DLAT: variants seen among roughly 807,000 people sequenced by gnomAD.
The protein encoded by DLAT is dihydrolipoyllysine-residue acetyltransferase component of pyruvate dehydrogenase complex, mitochondrial.
Under a neutral mutation model 68.0 loss-of-function variants are expected in DLAT, and 43 were observed. The ratio of observed to expected loss-of-function variants is 0.63; its 90% CI spans 0.50 to 0.81. The LOEUF is 0.81. Ranked by LOEUF, DLAT falls within the 40% of genes least tolerant of loss-of-function variation. The pLI is 0.00. For missense variants in DLAT, 745 were observed against 815.4 expected, an observed-to-expected ratio of 0.91 and a Z score of 1.05; for synonymous variants, 265 against 288.6, an observed-to-expected ratio of 0.92 and a Z score of 0.83.
chr11:112,036,198 T>G (rs1467230424), intron 5 of DLAT, among the ~76,000 whole-genome samples: 3 of 74,054 alleles, frequency 4.1e-5, no homozygotes, highest in Non-Finnish European at 7.6e-5. Context: ...TGTGTGTGTG[T>G]GTGTTTTTTT....
chr11:112,039,271 C>G lies in DLAT; in HGVS notation c.1003C>G (p.Pro335Ala). Residue 335 changes from proline (P) to alanine (A), a missense_variant, in exon 7 of 14, where the codon CCT (proline) becomes GCT (alanine). By Grantham distance (27) the Pro-to-Ala change is conservative. Coordinates refer to ENST00000280346, the MANE Select transcript of DLAT (RefSeq NM_001931.5). ...GGCCGCTGTTCCTCCAACTCCCCAG[C>G]CTTTAGCTCCTACACCTTCAGCACC... is the stretch of plus-strand genomic sequence containing the variant. ...PVAAVPPTPQ[P>A]LAPTPSAPCP... 2.5e-6 allele frequency: 4 copies of G among 1,613,984 alleles called. No homozygotes were observed. Among genetic ancestry groups the G allele is most frequent in the Non-Finnish European group, 3.4e-6 (4 of 1,179,960 alleles).
chr11:112,048,814 A>G (rs1009657348), intron 10 of DLAT, among the ~76,000 whole-genome samples: 3 of 152,090 alleles, frequency 2.0e-5, no homozygotes, highest in Admixed American at 6.5e-5. Flanking sequence ...AATTACAGCC[A>G]TGAGCCCCCA....
intron 8 of DLAT, 125 bp from the exon 9 acceptor site, chr11:112,045,013 T>A (rs1863230492): frequency 2.6e-6 from 2 of 761,696 alleles, no homozygotes; most frequent in East Asian, 2.5e-5. Context: ...CTAGCCTGGG[T>A]GACAGAGCAA....
rs144642035 is a variant in DLAT at position 112,033,430 on chromosome 11, C to T, written c.687C>T (p.Thr229=). Residue 229 remains threonine, a synonymous_variant, in exon 5 of 14, where the codon ACC becomes ACT. Coordinates refer to ENST00000280346, the MANE Select transcript of DLAT (RefSeq NM_001931.5). The part of the protein sequence containing the change: ...MQVLLPALSP[T]MTMGTVQRWE... ...TACTTCTTCCTGCCCTCTCTCCCAC[C>T]ATGACCATGGGCACAGTTCAGAGAT... is the stretch of plus-strand genomic sequence containing the variant. The T allele has an allele frequency of 2.4e-5, 38 of 1,613,820 alleles. No individual in the cohort carries two copies. In the African/African-American group the frequency reaches 3.2e-4, roughly 14 times the overall value.
intron 11 of DLAT, among the ~76,000 whole-genome samples, chr11:112,054,320 AAATAAT>A (rs147731397): frequency 2.0e-5 from 3 of 151,824 alleles, no homozygotes; most frequent in Non-Finnish European, 2.9e-5. Context: ...ACTGCATTTC[AAATAAT>A]AATAATAATA....
chr11:112,058,164 T>G (rs982061528), intron 11 of DLAT, among the ~76,000 whole-genome samples: 3 of 152,256 alleles, frequency 2.0e-5, no homozygotes, highest in Non-Finnish European at 4.4e-5. Flanking sequence ...TCAACATTTA[T>G]TTAACATGTA....
intron 7 of DLAT, among the ~76,000 whole-genome samples, chr11:112,040,556 A>G (rs184898018): frequency 2.7e-4 from 41 of 152,264 alleles, no homozygotes; most frequent in East Asian, 7.7e-4. Context: ...TGGGTACTCA[A>G]TGGTGGTTAT....
intron 11 of DLAT, among the ~76,000 whole-genome samples, chr11:112,055,405 G>A (rs781818462): frequency 2.6e-5 from 4 of 151,472 alleles, no homozygotes; most frequent in Non-Finnish European, 4.4e-5. Flanking sequence ...CACCACGCCC[G>A]GCTAATTTTT....
At position 112,027,490 on chromosome 11, in the gene DLAT, G is replaced by C. The variant is rs879984474; in HGVS notation, c.382-1025G>C. 2.1e-3 allele frequency among the ~76,000 whole-genome samples: 323 copies of C among 152,050 alleles called. 2 individuals carry two copies. The highest frequency in any genetic ancestry group is 3.5e-3 in the Non-Finnish European group (236 of 67,950). On this transcript the variant is annotated intron_variant, in intron 2 of 13. Coordinates refer to ENST00000280346, the MANE Select transcript of DLAT (RefSeq NM_001931.5). ...AGGCAGAGACGCTCCTCACTTCCCA[G>C]ACGGGGTGGCAGCCGGGCAGAGGCT...
At chr11:112,047,155 A>G (rs1338701147) in intron 10 of DLAT, among the ~76,000 whole-genome samples, 2 of 152,172 alleles carry the variant, frequency 1.3e-5, no homozygotes, top group East Asian at 1.9e-4. Context: ...AGTGATCGCC[A>G]TTGTAACTGG....
intron 4 of DLAT, chr11:112,032,528 G>A (rs1178267182): frequency 6.6e-6 from 1 of 151,316 alleles, no homozygotes; most frequent in East Asian, 1.9e-4. Flanking sequence ...CGAATTTGTT[G>A]TCCTTGCGCA....
At chr11:112,053,926 A>T (rs1863825328) in intron 11 of DLAT, among the ~76,000 whole-genome samples, 1 of 151,484 alleles carries the variant, frequency 6.6e-6, no homozygotes, top group Non-Finnish European at 1.5e-5. Flanking sequence ...GACTAGAGAG[A>T]AAAAAAAAGG....
intron 11 of DLAT, among the ~76,000 whole-genome samples, chr11:112,055,552 T>C (rs1863974763): frequency 6.6e-6 from 1 of 151,952 alleles, no homozygotes; most frequent in Non-Finnish European, 1.5e-5. Flanking sequence ...CCAAGGCCTA[T>C]ATTCAACTAT....
chr11:112,062,307 T>G, intron 13 of DLAT, 99 bp from the exon 14 acceptor site: 1 of 1,268,014 alleles, frequency 7.9e-7, no homozygotes, highest in Non-Finnish European at 1.1e-6. Flanking sequence ...AAGTATTACC[T>G]GGTTGGGATT....
intron 4 of DLAT, chr11:112,030,091 C>T: frequency 1.2e-6 from 1 of 851,498 alleles, no homozygotes; most frequent in Non-Finnish European, 1.9e-6. Context: ...GCGAATGTCT[C>T]CTGGTAAATA....
chr11:112,058,480 G>T (rs1864257129), intron 11 of DLAT, among the ~76,000 whole-genome samples: 1 of 152,050 alleles, frequency 6.6e-6, no homozygotes, highest in African/African-American at 2.4e-5. Flanking sequence ...TTTGGAGGCA[G>T]AGCTGTGCCT....
chr11:112,025,848 C>T (rs1439721099), intron 1 of DLAT, 97 bp downstream of exon 1: 3 of 1,469,864 alleles, frequency 2.0e-6, no homozygotes, highest in South Asian at 2.5e-5. Context: ...GATCCTCCAC[C>T]CATTCCCAGT....
Position 112,033,510 on chromosome 11 carries a change from A to G in DLAT, c.767A>G (p.Glu256Gly). 6.2e-7 allele frequency: 1 copy of G among 1,613,908 alleles called. No homozygotes were observed. The highest frequency in any genetic ancestry group is 8.5e-7 in the Non-Finnish European group (1 of 1,179,886). Residue 256 changes from glutamate to glycine, a missense_variant, in exon 5 of 14, where the codon GAA (glutamate) becomes GGA (glycine). Glu to Gly is a moderately conservative substitution (Grantham distance 98). Transcript: ENST00000280346. Reference sequence around the variant, plus strand: ...GAAGGAGACTTACTGGCAGAGATAGAAACTGACAAAGCCACTATAGGTGAG... The same window carrying G: ...GAAGGAGACTTACTGGCAGAGATAGGAACTGACAAAGCCACTATAGGTGAG... Reference protein sequence around the residue: ...LSEGDLLAEIETDKATIGFEV... With the variant: ...LSEGDLLAEIGTDKATIGFEV...
intron 12 of DLAT, 81 bp downstream of exon 12, chr11:112,060,146 TTCTG>T: frequency 1.5e-6 from 2 of 1,310,538 alleles, no homozygotes; most frequent in South Asian, 2.6e-5. Flanking sequence ...CACCTTTTGA[TTCTG>T]TCACGTAATT....
Sources: gnomAD v4.1 joint callset for allele counts (sites outside exome capture counted in the v4.1 genomes callset) on GRCh38, gnomAD v4.1.1 for gene constraint, MANE v1.5 for transcripts, NCBI Gene and HGNC (gene_info 2026-07-23, HGNC 2026-07-21) for gene names.